ITGAV: variants seen among roughly 807,000 people sequenced by gnomAD.
The protein encoded by ITGAV is integrin alpha-V.
A neutral mutation model predicts 143.8 loss-of-function variants in ITGAV; 76 were observed. The observed-to-expected ratio is 0.53, with a 90% confidence interval of 0.44 to 0.64. The LOEUF is 0.64. Among genes scored for constraint, ITGAV ranks in the 30% least tolerant of loss-of-function variants. The probability of loss-of-function intolerance (pLI) is 0.00; values close to 1 mark genes in which losing one functional copy is unlikely to be tolerated. For synonymous variants in ITGAV, 453 were observed against 446.7 expected (o/e 1.01, Z -0.18); for missense variants, 1,193 against 1,274.7 (o/e 0.94, Z 0.98).
intron 1 of ITGAV, among the ~76,000 whole-genome samples, chr2:186,593,687 AC>A (rs1454284843): frequency 6.6e-6 from 1 of 152,074 alleles, no homozygotes. Context: ...AGCCCACACC[AC>A]CGGGGGGAAG....
chr2:186,652,931 A>ATTTTTTTT (rs35139936), intron 15 of ITGAV, among the ~76,000 whole-genome samples: 26 of 82,440 alleles, frequency 3.2e-4, no homozygotes, highest in East Asian at 8.9e-4. Context: ...TTCATTATAG[A>ATTTTTTTT]TTTTTTTTTT....
chr2:186,664,225 A>G (rs1343859862), intron 19 of ITGAV, among the ~76,000 whole-genome samples: 1 of 152,236 alleles, frequency 6.6e-6, no homozygotes, highest in Non-Finnish European at 1.5e-5. Context: ...TTGGGGAATT[A>G]CAAAGTACAT....
At chr2:186,642,274 T>A (rs1414973681) in intron 12 of ITGAV, among the ~76,000 whole-genome samples, 1 of 152,154 alleles carries the variant, frequency 6.6e-6, no homozygotes, top group African/African-American at 2.4e-5. Flanking sequence ...GATCACAGAA[T>A]GGATAGTTGA....
chr2:186,624,289 G>GTA (rs1559047572), intron 3 of ITGAV, among the ~76,000 whole-genome samples: 1 of 152,054 alleles, frequency 6.6e-6, no homozygotes, highest in East Asian at 1.9e-4. Context: ...TATTTACGTA[G>GTA]TATTTATTGT....
intron 8 of ITGAV, among the ~76,000 whole-genome samples, 179 bp downstream of exon 8, chr2:186,637,288 T>C (rs1417969281): frequency 6.6e-6 from 1 of 151,404 alleles, no homozygotes; most frequent in Non-Finnish European, 1.5e-5. Context: ...TCAAGAACAG[T>C]CTGGACAACA....
chr2:186,628,834 A>G lies in ITGAV; in HGVS notation c.524-1963A>G, dbSNP rs532794977. Among the ~76,000 whole-genome samples, 5 of 152,200 alleles carry G rather than the reference A, an allele frequency of 3.3e-5. No homozygotes were observed. In the East Asian group the frequency reaches 5.8e-4, roughly 18 times the overall value. ...TCCTTTTGTCATTACTCAGGGAATGATAAAGATATTATTGATTTGAAACAG... is the reference window on the plus strand; with the variant it reads ...TCCTTTTGTCATTACTCAGGGAATGGTAAAGATATTATTGATTTGAAACAG... On this transcript the variant is annotated intron_variant, in intron 4 of 29. Transcript: ENST00000261023.
intron 1 of ITGAV, among the ~76,000 whole-genome samples, chr2:186,595,759 C>CT (rs1686733950): frequency 6.6e-6 from 1 of 151,990 alleles, no homozygotes; most frequent in East Asian, 1.9e-4. Flanking sequence ...GAAATGGAGT[C>CT]TATCAGGAGA....
intron 21 of ITGAV, among the ~76,000 whole-genome samples, chr2:186,665,723 A>G (rs910522988): frequency 5.3e-5 from 8 of 152,200 alleles, no homozygotes; most frequent in Non-Finnish European, 8.8e-5. Flanking sequence ...TAAAAAGTAA[A>G]CAAAATATAC....
rs1274431991 is a variant in ITGAV at position 186,656,280 on chromosome 2, A to G, written c.1598A>G (p.Lys533Arg). ...GTGGAACTTCTTTTGGATAAACTCAAGCAAAAGGGAGCAATTCGACGAGCA... is the reference window on the plus strand; with the variant it reads ...GTGGAACTTCTTTTGGATAAACTCAGGCAAAAGGGAGCAATTCGACGAGCA... ...FQVELLLDKLKQKGAIRRALF... is the reference protein window; with the variant it reads ...FQVELLLDKLRQKGAIRRALF... The change falls in exon 17 of 30, where the codon AAG (lysine) becomes AGG (arginine). Residue 533 changes from lysine to arginine, a missense_variant. By Grantham distance (26) the Lys-to-Arg change is conservative (BLOSUM62 2). Transcript: ENST00000261023. The G allele has an allele frequency of 6.3e-7, 1 of 1,584,936 alleles. No individual in the cohort carries two copies. The highest frequency in any genetic ancestry group is 1.2e-5 in the South Asian group (1 of 85,488).
At chr2:186,656,524 G>C (rs1407488479) in intron 17 of ITGAV, 123 bp downstream of exon 17, 1 of 706,314 alleles carries the variant, frequency 1.4e-6, no homozygotes, top group Non-Finnish European at 2.2e-6. Flanking sequence ...ATACACAAAG[G>C]AAATTTAGCT....
chr2:186,675,965 C>A, intron 28 of ITGAV, 38 bp downstream of exon 28: 4 of 1,066,250 alleles, frequency 3.8e-6, no homozygotes, highest in Non-Finnish European at 5.7e-6. Flanking sequence ...TAAATTTACT[C>A]AATTCAAATG....
At chr2:186,611,130 G>T (rs575282154) in intron 2 of ITGAV, among the ~76,000 whole-genome samples, 52 of 152,136 alleles carry the variant, frequency 3.4e-4, no homozygotes, top group African/African-American at 1.2e-3. Flanking sequence ...ATAGCTACCG[G>T]GGTCGTTCTC....
At chr2:186,637,871 A>C (rs180933034) in intron 8 of ITGAV, among the ~76,000 whole-genome samples, 1 of 152,292 alleles carries the variant, frequency 6.6e-6, no homozygotes, top group Admixed American at 6.5e-5. Flanking sequence ...CCGTTTAGGA[A>C]TCACAGTCTT....
chr2:186,623,109 C>A (rs1559047152), intron 3 of ITGAV, among the ~76,000 whole-genome samples: 1 of 152,092 alleles, frequency 6.6e-6, no homozygotes, highest in Non-Finnish European at 1.5e-5. Context: ...CTCATCTCCC[C>A]CTATGCCACT....
intron 21 of ITGAV, among the ~76,000 whole-genome samples, chr2:186,666,305 C>T (rs148003185): frequency 6.6e-6 from 1 of 152,128 alleles, no homozygotes; most frequent in African/African-American, 2.4e-5. Context: ...AGCCATGTTC[C>T]CTTACTCTAG....
rs2105757395 is a variant in ITGAV at position 186,677,335 on chromosome 2, A to G, written c.*43A>G. 1 of 1,427,414 alleles carries G rather than the reference A, an allele frequency of 7.0e-7. No individual in the cohort carries two copies. Among genetic ancestry groups the G allele is most frequent in the East Asian group, 2.4e-5 (1 of 42,426 alleles). The allele number at this position is 1,427,414 out of a possible 1,614,324, so 88.4% of individuals were successfully genotyped here. On this transcript the variant is annotated 3_prime_UTR_variant, in exon 30 of 30. Transcript: ENST00000261023. ...TGCTACATCTTGACCCACTAGAATT[A>G]GCAACTTTATTATAGATTTAAACTT... is the stretch of plus-strand genomic sequence containing the variant.
intron 3 of ITGAV, among the ~76,000 whole-genome samples, chr2:186,625,262 G>C (rs2105689695): frequency 6.6e-6 from 1 of 152,194 alleles, no homozygotes; most frequent in African/African-American, 2.4e-5. Context: ...TGTGGTGCCA[G>C]CTACTCAAGA....
intron 24 of ITGAV, 38 bp from the exon 25 acceptor site, chr2:186,668,724 T>A (rs1179702171): frequency 6.3e-7 from 1 of 1,593,220 alleles, no homozygotes; most frequent in Non-Finnish European, 8.5e-7. Flanking sequence ...AACAGATTTT[T>A]GCCCAAGGTG....
At chr2:186,645,286 A>G (rs1317873615) in intron 12 of ITGAV, among the ~76,000 whole-genome samples, 2 of 152,178 alleles carry the variant, frequency 1.3e-5, no homozygotes, top group Non-Finnish European at 1.5e-5. Context: ...CAGCTGATCT[A>G]ATGACAGAAC....
Sources: allele counts gnomAD v4.1 joint callset (sites outside exome capture counted in the v4.1 genomes callset), GRCh38; gene constraint gnomAD v4.1.1; transcripts MANE v1.5; gene names NCBI Gene and HGNC (gene_info 2026-07-23, HGNC 2026-07-21).